Variants in ENAM observed in about 807,000 individuals in gnomAD.
ENAM encodes amelogenesis imperfecta 2, hypocalcification (autosomal dominant).
A neutral mutation model predicts 33.6 loss-of-function variants in ENAM; 21 were observed. The observed-to-expected ratio is 0.63, with a 90% CI of 0.44 to 0.90. The LOEUF is 0.90. Ranked by LOEUF, ENAM falls within the 40% of genes least tolerant of loss-of-function variation. ENAM has a pLI of 0.00. For missense variants in ENAM, 1,388 were observed against 1,366.9 expected (o/e 1.02, Z -0.24); for synonymous variants, 473 against 468.4 (o/e 1.01, Z -0.13).
chr4:70,630,844 C>T (rs1380571772), intron 2 of ENAM, among the ~76,000 whole-genome samples: 3 of 151,698 alleles, frequency 2.0e-5, no homozygotes, highest in Non-Finnish European at 4.4e-5. Context: ...TGGGTTCAAG[C>T]GATTCTCCTG....
At chr4:70,638,028 C>A (rs752409493) in intron 8 of ENAM, among the ~76,000 whole-genome samples, 185 bp downstream of exon 8, 1 of 152,040 alleles carries the variant, frequency 6.6e-6, no homozygotes, top group Non-Finnish European at 1.5e-5. Flanking sequence ...ATGGTGGACT[C>A]CAGACAGTGA....
chr4:70,637,551 A>ATTTTAAGTAGGAT, intron 7 of ENAM: 1 of 536,338 alleles, frequency 1.9e-6, no homozygotes, highest in South Asian at 2.1e-5. Context: ...CATACAGAGT[A>ATTTTAAGTAGGAT]TTTTAAGTAG....
At chr4:70,636,608 A>T (rs1738457675) in intron 7 of ENAM, among the ~76,000 whole-genome samples, 1 of 152,160 alleles carries the variant, frequency 6.6e-6, no homozygotes, top group Admixed American at 6.6e-5. Context: ...GTCTCTACTA[A>T]AAATACAAAA....
rs777525143 is a variant in ENAM, at chr4:70,634,548, G to A, written c.451G>A (p.Glu151Lys). 4 of 1,614,146 alleles carry A rather than the reference G, an allele frequency of 2.5e-6. No homozygotes were observed. Among genetic ancestry groups the A allele is most frequent in the Non-Finnish European group, 3.4e-6 (4 of 1,180,026 alleles). Residue 151 changes from glutamate (E) to lysine (K), a missense_variant, in exon 6 of 9, where the codon GAG becomes AAG. Glu to Lys is a moderately conservative substitution (Grantham distance 56). Coordinates refer to ENST00000396073, the MANE Select transcript of ENAM (RefSeq NM_031889.3). ...QPSHNQPQPE[E>K]EAQPPQAFPP... Reference sequence around the variant, plus strand: ...ATCACATAATCAACCTCAGCCCGAAGAGGAAGCTCAACCCCCTCAGGTGAG... The same window carrying A: ...ATCACATAATCAACCTCAGCCCGAAAAGGAAGCTCAACCCCCTCAGGTGAG...
At chr4:70,635,665 G>T (rs1433441296) in intron 6 of ENAM, among the ~76,000 whole-genome samples, 167 bp from the exon 7 acceptor site, 1 of 152,190 alleles carries the variant, frequency 6.6e-6, no homozygotes, top group African/African-American at 2.4e-5. Context: ...TGTGTCCAAT[G>T]ATACTAATTG....
chr4:70,637,892 G>C, intron 8 of ENAM, 49 bp downstream of exon 8: 1 of 1,386,164 alleles, frequency 7.2e-7, no homozygotes, highest in Non-Finnish European at 1.0e-6. Flanking sequence ...CAATCCATTC[G>C]CCCCTGCTTT....
intron 8 of ENAM, among the ~76,000 whole-genome samples, chr4:70,640,069 G>A (rs1168432925): frequency 1.3e-5 from 2 of 152,130 alleles, no homozygotes; most frequent in African/African-American, 4.8e-5. Context: ...CCACACAAAT[G>A]TCTAACAAAC....
Position 70,635,825 on chromosome 4 carries a change from T to A in ENAM, c.472-7T>A, listed in dbSNP as rs1738438023. ...CCACATCACTCTGATTCTTTCTTTC[T>A]CTCTAGGCATTCCCACCATTTGGAA... On this transcript the variant is annotated splice_region_variant and splice_polypyrimidine_tract_variant and intron_variant, in intron 6 of 8. Coordinates refer to ENST00000396073, the MANE Select transcript of ENAM (RefSeq NM_031889.3). The A allele has an allele frequency of 1.3e-6, 2 of 1,577,914 alleles. No individual in the cohort carries two copies. Among genetic ancestry groups the A allele is most frequent in the Non-Finnish European group, 1.7e-6 (2 of 1,147,840 alleles).
At chr4:70,637,290 T>C (rs1289525770) in intron 7 of ENAM, among the ~76,000 whole-genome samples, 2 of 152,204 alleles carry the variant, frequency 1.3e-5, no homozygotes, top group East Asian at 3.8e-4. Context: ...AAAAATATCA[T>C]AGTAATAATT....
Position 70,643,792 on chromosome 4 carries a change from A to C in ENAM, c.2366A>C (p.Gln789Pro), listed in dbSNP as rs1480854896. Reference protein sequence around the residue: ...RPYFNRNIWDQATHLQKAPAR... With the variant: ...RPYFNRNIWDPATHLQKAPAR... ...TATTTTAACAGAAATATCTGGGATCAGGCAACACATTTACAAAAAGCCCCA... is the reference window on the plus strand; with the variant it reads ...TATTTTAACAGAAATATCTGGGATCCGGCAACACATTTACAAAAAGCCCCA... Residue 789 changes from glutamine to proline, a missense_variant, in exon 9 of 9, where the codon CAG (glutamine) becomes CCG (proline). Coordinates refer to ENST00000396073, the MANE Select transcript of ENAM (RefSeq NM_031889.3). 1.2e-6 allele frequency: 2 copies of C among 1,614,072 alleles called. No individual in the cohort carries two copies. Among genetic ancestry groups the C allele is most frequent in the Non-Finnish European group, 1.7e-6 (2 of 1,180,026 alleles).
chr4:70,644,298 T>G lies in ENAM; in HGVS notation c.2872T>G (p.Cys958Gly). 1 of 1,614,218 alleles carries G rather than the reference T, an allele frequency of 6.2e-7. No individual in the cohort carries two copies. The highest frequency in any genetic ancestry group is 8.5e-7 in the Non-Finnish European group (1 of 1,180,028). Reference sequence around the variant, plus strand: ...GTCCACGCTGAGGAGGAACACACCATGTTCTATAAAGAATCAACTGGGCCA... The same window carrying G: ...GTCCACGCTGAGGAGGAACACACCAGGTTCTATAAAGAATCAACTGGGCCA... ...DVSTLRRNTP[C>G]SIKNQLGQKE... is the part of the protein sequence containing the mutation. The change falls in exon 9 of 9, where the codon TGT (cysteine) becomes GGT (glycine). Residue 958 changes from cysteine to glycine, a missense_variant. Cys to Gly is a radical substitution (Grantham distance 159). Transcript: ENST00000396073.
chr4:70,633,376 C>T (rs1219350637), intron 5 of ENAM, among the ~76,000 whole-genome samples: 3 of 152,086 alleles, frequency 2.0e-5, no homozygotes, highest in Non-Finnish European at 1.5e-5. Flanking sequence ...TTTCCTCTTC[C>T]TCAACTTTTG....
Position 70,637,843 on chromosome 4 carries a change from G to A in ENAM, c.588G>A (p.Gly196=). 1.2e-6 allele frequency: 2 copies of A among 1,608,860 alleles called. No individual in the cohort carries two copies. The highest frequency in any genetic ancestry group is 2.2e-5 in the East Asian group (1 of 44,822). Reference sequence around the variant, plus strand: ...CACCAATCAGCAATGAAGAAGGGGGGGTAAGTACAAGTAAAACTACATTCT... The same window carrying A: ...CACCAATCAGCAATGAAGAAGGGGGAGTAAGTACAAGTAAAACTACATTCT... ...GRPPISNEEG[G]NPYFGYFGYH... The change falls in exon 8 of 9, where the codon GGG becomes GGA. Residue 196 remains glycine (G), a splice_region_variant and synonymous_variant. Coordinates refer to ENST00000396073, the MANE Select transcript of ENAM (RefSeq NM_031889.3).
chr4:70,634,163 C>T (rs1472381125), intron 5 of ENAM, 145 bp from the exon 6 acceptor site: 2 of 814,184 alleles, frequency 2.5e-6, no homozygotes, highest in East Asian at 4.9e-5. Flanking sequence ...GAAATTCTAA[C>T]TAAAGATCTG....
intron 8 of ENAM, among the ~76,000 whole-genome samples, chr4:70,641,040 C>A (rs538906100): frequency 1.3e-5 from 2 of 152,244 alleles, no homozygotes; most frequent in South Asian, 4.1e-4. Context: ...GAAGTGGGAA[C>A]AAGGATGAAA....
At chr4:70,636,796 A>C (rs1738462705) in intron 7 of ENAM, among the ~76,000 whole-genome samples, 2 of 152,156 alleles carry the variant, frequency 1.3e-5, no homozygotes, top group Non-Finnish European at 2.9e-5. Flanking sequence ...ATCTTGCAAA[A>C]TATTGTTTAC....
At chr4:70,635,626 A>G (rs1376168879) in intron 6 of ENAM, among the ~76,000 whole-genome samples, 1 of 152,240 alleles carries the variant, frequency 6.6e-6, no homozygotes, top group African/African-American at 2.4e-5. Context: ...GTTTAACAAT[A>G]TAAAATGCTC....
intron 5 of ENAM, 23 bp downstream of exon 5, chr4:70,632,715 T>C: frequency 6.6e-7 from 1 of 1,521,858 alleles, no homozygotes; most frequent in Non-Finnish European, 9.1e-7. Flanking sequence ...TTATGTTATT[T>C]CTGATGATTT....
In ENAM at chr4:70,644,898, A is replaced by G; in HGVS notation, c.*43A>G. The G allele has an allele frequency of 6.5e-7, 1 of 1,548,010 alleles. No individual in the cohort carries two copies. Among genetic ancestry groups the G allele is most frequent in the Non-Finnish European group, 8.9e-7 (1 of 1,120,542 alleles). On this transcript the variant is annotated 3_prime_UTR_variant, in exon 9 of 9. Coordinates refer to ENST00000396073, the MANE Select transcript of ENAM (RefSeq NM_031889.3). Reference sequence around the variant, plus strand: ...ATTCTTGGGGAAAGAGAAATCACTGACATTCTATACCAATGGTTCCCAAAA... The same window carrying G: ...ATTCTTGGGGAAAGAGAAATCACTGGCATTCTATACCAATGGTTCCCAAAA...
Sources: allele counts gnomAD v4.1 joint callset (sites outside exome capture counted in the v4.1 genomes callset), GRCh38; gene constraint gnomAD v4.1.1; transcripts MANE v1.5; gene names NCBI Gene and HGNC (gene_info 2026-07-23, HGNC 2026-07-21).